The following PI4KA variants were observed in gnomAD, a reference collection of about 807,000 sequenced individuals.
The protein encoded by PI4KA is phosphatidylinositol 4-kinase alpha, also known as PI4-kinase alpha.
Under a neutral mutation model 271.4 loss-of-function variants are expected in PI4KA, and 122 were observed. The observed-to-expected ratio is 0.45, with a 90% CI of 0.39 to 0.52. The LOEUF is 0.52. Ranked by LOEUF, PI4KA falls within the 20% of genes least tolerant of loss-of-function variation. PI4KA has a pLI of 0.00. For synonymous variants in PI4KA, 1,041 were observed against 1,078.8 expected (o/e 0.96, Z 0.69); for missense variants, 1,969 against 2,769.1 (o/e 0.71, Z 6.48).
chr22:20,784,422 TAG>T (rs760691388), intron 19 of PI4KA, among the ~76,000 whole-genome samples: 12 of 152,106 alleles, frequency 7.9e-5, no homozygotes, highest in Non-Finnish European at 1.6e-4. Context: ...AAGAGATGAT[TAG>T]AGAGCATTCA....
chr22:20,802,313 T>G (rs1322049544), intron 13 of PI4KA, among the ~76,000 whole-genome samples: 4 of 152,198 alleles, frequency 2.6e-5, no homozygotes, highest in African/African-American at 9.6e-5. Flanking sequence ...ATATTCAAGT[T>G]AGAAAGTGAT....
intron 18 of PI4KA, among the ~76,000 whole-genome samples, chr22:20,794,390 C>CA (rs1447614187): frequency 6.6e-6 from 1 of 152,172 alleles, no homozygotes; most frequent in African/African-American, 2.4e-5. Context: ...ATCAGTACCC[C>CA]ACTCTTATCC....
At chr22:20,763,028 G>GGT (rs1555888594) in intron 22 of PI4KA, among the ~76,000 whole-genome samples, 2 of 95,468 alleles carry the variant, frequency 2.1e-5, no homozygotes, top group African/African-American at 9.3e-5. Flanking sequence ...GGGGGGGGGG[G>GGT]GGGTTAGAGA....
At position 20,834,624 on chromosome 22, in the gene PI4KA, C is replaced by T. The variant is rs746138962; in HGVS notation, c.305G>A (p.Arg102Gln). 9.3e-6 allele frequency: 15 copies of T among 1,608,510 alleles called. No individual in the cohort carries two copies. Among genetic ancestry groups the T allele is most frequent in the East Asian group, 4.5e-5 (2 of 44,836 alleles). Residue 102 changes from arginine (R) to glutamine (Q), a missense_variant, in exon 3 of 55, where the codon CGA (arginine) becomes CAA (glutamine). By Grantham distance (43) the Arg-to-Gln change is conservative (BLOSUM62 1). Transcript: ENST00000255882. ...HKDCVVPYLL[R>Q]LLKGLPKVYW... Reference sequence around the variant, plus strand: ...CACTTTTGGAAGACCTTTGAGAAGTCGAAGAAGGTAAGGAACCACACAATC... The same window carrying T: ...CACTTTTGGAAGACCTTTGAGAAGTTGAAGAAGGTAAGGAACCACACAATC...
At chr22:20,832,490 G>A (rs1351100940) in intron 3 of PI4KA, among the ~76,000 whole-genome samples, 1 of 151,968 alleles carries the variant, frequency 6.6e-6, no homozygotes, top group Admixed American at 6.6e-5. Context: ...GTCTCACTCT[G>A]TTACCCAGGC....
In PI4KA at chr22:20,746,347, C is replaced by A. The variant is rs561525139; in HGVS notation, c.3363+1236G>T. 3.3e-5 allele frequency among the ~76,000 whole-genome samples: 5 copies of A among 152,058 alleles called. No homozygotes were observed. In the East Asian group the frequency reaches 9.7e-4, roughly 29 times the overall value. On this transcript the variant is annotated intron_variant, in intron 29 of 54. Coordinates refer to ENST00000255882, the MANE Select transcript of PI4KA (RefSeq NM_058004.4). Reference sequence around the variant, plus strand: ...AAAGTGCTGGGATTACAGGCATGAGCCACCGTGCCTGGCCCCAGAATTAAT... The same window carrying A: ...AAAGTGCTGGGATTACAGGCATGAGACACCGTGCCTGGCCCCAGAATTAAT...
intron 10 of PI4KA, among the ~76,000 whole-genome samples, chr22:20,806,199 T>C (rs1247870435): frequency 1.3e-5 from 2 of 152,224 alleles, no homozygotes; most frequent in East Asian, 1.9e-4. Flanking sequence ...CAAAATATTA[T>C]GTGCTCATCA....
At chr22:20,735,377 C>A (rs1447293898) in intron 32 of PI4KA, among the ~76,000 whole-genome samples, 1 of 149,654 alleles carries the variant, frequency 6.7e-6, no homozygotes, top group African/African-American at 2.5e-5. Context: ...GGCAACGAGG[C>A]CTAGTGAGTA....
At chr22:20,722,037 A>G (rs1926795936) in intron 42 of PI4KA, 2 of 152,598 alleles carry the variant, frequency 1.3e-5, no homozygotes, top group African/African-American at 4.8e-5. Context: ...CCTCCTACAC[A>G]CACACTTGCT....
chr22:20,751,634 C>A (rs773978504), intron 26 of PI4KA, 40 bp downstream of exon 26: 2 of 1,511,234 alleles, frequency 1.3e-6, no homozygotes, highest in Non-Finnish European at 1.8e-6. Flanking sequence ...GGTGGTAGAG[C>A]GGGTGGTGTT....
intron 19 of PI4KA, among the ~76,000 whole-genome samples, chr22:20,771,634 T>G (rs1932879354): frequency 6.6e-6 from 1 of 151,672 alleles, no homozygotes; most frequent in African/African-American, 2.4e-5. Flanking sequence ...CAGGCTGGAG[T>G]ACAGTGGCAT....
chr22:20,797,041 T>C (rs907091960), intron 17 of PI4KA, among the ~76,000 whole-genome samples: 2 of 152,180 alleles, frequency 1.3e-5, no homozygotes, highest in Non-Finnish European at 2.9e-5. Context: ...ACAAGGATGA[T>C]AATTTCTCTT....
intron 19 of PI4KA, chr22:20,780,025 C>T (rs2147482618): frequency 6.2e-7 from 1 of 1,614,168 alleles, no homozygotes; most frequent in South Asian, 1.1e-5. Flanking sequence ...GACTTCAAAA[C>T]TAAAGTAAGA....
rs1922487600 is a variant in PI4KA at position 20,820,406 on chromosome 22, C to T, written c.529+133G>A. The T allele has an allele frequency of 6.2e-6, 4 of 647,676 alleles. No individual in the cohort carries two copies. The South Asian group carries it at 8.0e-5, about 13-fold the overall frequency. 40.1% of individuals were successfully genotyped at this position (647,676 alleles called of 1,614,324 possible). A position where few individuals can be genotyped will look rare whatever the true frequency, so the allele number is the denominator to read the frequency against. On this transcript the variant is annotated intron_variant, in intron 5 of 54. Coordinates refer to ENST00000255882, the MANE Select transcript of PI4KA (RefSeq NM_058004.4). ...GGCCTCTGAGGATACTAACACACAA[C>T]AAATCAAACTAAAATAGGAAGGTTT...
At chr22:20,816,896 A>G (rs1163020578) in intron 7 of PI4KA, among the ~76,000 whole-genome samples, 1 of 152,174 alleles carries the variant, frequency 6.6e-6, no homozygotes, top group Non-Finnish European at 1.5e-5. Flanking sequence ...AGCCCTCACC[A>G]CAGAGGGTGG....
At chr22:20,852,496 CT>C (rs1222588234) in intron 1 of PI4KA, among the ~76,000 whole-genome samples, 1 of 152,180 alleles carries the variant, frequency 6.6e-6, no homozygotes, top group Admixed American at 6.5e-5. Flanking sequence ...GTCTGTGGTA[CT>C]TTGTTATGGC....
chr22:20,752,718 G>C lies in PI4KA; in HGVS notation c.2987+185C>G, dbSNP rs141610626. On this transcript the variant is annotated intron_variant, in intron 25 of 54. Coordinates refer to ENST00000255882, the MANE Select transcript of PI4KA (RefSeq NM_058004.4). ...TAGCTCAGAATGAACAGAAGTTTCTGCACCAAAATTCAGACTCTGCAGGAA... is the reference window on the plus strand; with the variant it reads ...TAGCTCAGAATGAACAGAAGTTTCTCCACCAAAATTCAGACTCTGCAGGAA... Among the ~76,000 whole-genome samples the C allele has an allele frequency of 2.2e-3, 331 of 152,284 alleles. 1 individual carries two copies. Among genetic ancestry groups the C allele is most frequent in the African/African-American group, 7.9e-3 (329 of 41,550 alleles).
At chr22:20,739,943 T>C (rs960577542) in intron 32 of PI4KA, among the ~76,000 whole-genome samples, 7 of 150,612 alleles carry the variant, frequency 4.6e-5, no homozygotes, top group Non-Finnish European at 1.0e-4. Context: ...GTGCCTGTAA[T>C]CCCACTTACT....
intron 1 of PI4KA, among the ~76,000 whole-genome samples, chr22:20,858,325 C>G (rs531046057): frequency 6.6e-6 from 1 of 152,094 alleles, no homozygotes; most frequent in East Asian, 1.9e-4. Context: ...ACCCCCATCC[C>G]ACAACCACCC....
Sources: allele counts gnomAD v4.1 joint callset (sites outside exome capture counted in the v4.1 genomes callset), GRCh38; gene constraint gnomAD v4.1.1; transcripts MANE v1.5; gene names NCBI Gene and HGNC (gene_info 2026-07-23, HGNC 2026-07-21).